Variants in PGAP1 observed in about 807,000 individuals in gnomAD.
PGAP1 encodes post-GPI attachment to proteins inositol deacylase 1, also known as GPI inositol-deacylase.
A neutral mutation model predicts 127.0 loss-of-function variants in PGAP1; 76 were observed. The observed-to-expected ratio is 0.60, with a 90% CI of 0.50 to 0.72. The LOEUF (loss-of-function observed/expected upper bound fraction) is 0.72, where lower values mean the gene tolerates loss of function less well. Ranked by LOEUF, PGAP1 falls within the 30% of genes least tolerant of loss-of-function variation. The probability of loss-of-function intolerance (pLI) is 0.00; values close to 1 mark genes in which losing one functional copy is unlikely to be tolerated. For missense variants in PGAP1, 982 were observed against 1,071.3 expected (o/e 0.92, Z 1.16); for synonymous variants, 362 against 366.5 (o/e 0.99, Z 0.14).
chr2:196,886,104 A>G (rs1701894485), intron 10 of PGAP1, among the ~76,000 whole-genome samples: 1 of 151,960 alleles, frequency 6.6e-6, no homozygotes, highest in South Asian at 2.1e-4. Flanking sequence ...TTGATAGGTA[A>G]GCAGTTATCC....
intron 20 of PGAP1, 109 bp downstream of exon 20, chr2:196,864,878 C>A (rs1179974393): frequency 6.2e-6 from 3 of 487,338 alleles, no homozygotes; most frequent in Non-Finnish European, 6.9e-6. Context: ...AATTATGTCT[C>A]CTGATTCAAT....
At position 196,847,962 on chromosome 2, in the gene PGAP1, A is replaced by G. The variant is rs774157794; in HGVS notation, c.1937T>C (p.Ile646Thr). Residue 646 changes from isoleucine (I) to threonine (T), a missense_variant, in exon 21 of 27, where the codon ATT becomes ACT. Physicochemically the swap from Ile to Thr is moderately conservative, Grantham distance 89 (BLOSUM62 -1). Transcript: ENST00000354764. ...PYKVDPFVIIIKFLLGYKWFK... is the reference protein window; with the variant it reads ...PYKVDPFVIITKFLLGYKWFK... The stretch of plus-strand genomic sequence containing the variant: ...TAAAACTTACCCCAACAGAAACTTA[A>G]TGATAATTACAAAAGGATCAACTTT... 6.3e-7 allele frequency: 1 copy of G among 1,588,238 alleles called. No homozygotes were observed. The highest frequency in any genetic ancestry group is 8.6e-7 in the Non-Finnish European group (1 of 1,169,440).
intron 7 of PGAP1, among the ~76,000 whole-genome samples, chr2:196,895,480 G>A (rs113593270): frequency 2.0e-5 from 3 of 152,302 alleles, no homozygotes; most frequent in African/African-American, 7.2e-5. Context: ...TTTTACCACA[G>A]TTAAGTCTCA....
intron 20 of PGAP1, among the ~76,000 whole-genome samples, chr2:196,864,343 T>C (rs1701164900): frequency 7.1e-6 from 1 of 141,674 alleles, no homozygotes; most frequent in South Asian, 2.2e-4. Flanking sequence ...TGAACCGAGA[T>C]TGCACCATTG....
Position 196,892,621 on chromosome 2 carries a change from TTAACTC to T in PGAP1, c.1034-226_1034-221del, listed in dbSNP as rs539842748. 3.4e-3 allele frequency among the ~76,000 whole-genome samples: 513 copies of T among 152,186 alleles called. 2 individuals carry two copies. The highest frequency in any genetic ancestry group is 5.8e-3 in the South Asian group (28 of 4,824). Reference sequence around the variant, plus strand: ...AAAGTATAAATCTGTTTGGTGTCCTTTAACTCTAAGGAATTATCAACATAGGAAATA... The same window carrying T: ...AAAGTATAAATCTGTTTGGTGTCCTTTAAGGAATTATCAACATAGGAAATA... On this transcript the variant is annotated intron_variant, in intron 8 of 26. Coordinates refer to ENST00000354764, the MANE Select transcript of PGAP1 (RefSeq NM_024989.4).
chr2:196,885,933 A>T (rs1350162533), intron 10 of PGAP1, 53 bp from the exon 11 acceptor site: 1 of 1,236,330 alleles, frequency 8.1e-7, no homozygotes, highest in Non-Finnish European at 1.1e-6. Flanking sequence ...GAAAATAATT[A>T]TACAAAACAA....
intron 23 of PGAP1, 34 bp downstream of exon 23, chr2:196,845,848 G>A (rs754546701): frequency 6.4e-7 from 1 of 1,563,092 alleles, no homozygotes; most frequent in South Asian, 1.2e-5. Flanking sequence ...CTAATACAAA[G>A]CTCAATCATT....
chr2:196,866,599 A>G (rs1576121690), intron 19 of PGAP1, among the ~76,000 whole-genome samples: 1 of 152,222 alleles, frequency 6.6e-6, no homozygotes, highest in Non-Finnish European at 1.5e-5. Context: ...AGCAGTGGCA[A>G]CAAAAGCCAA....
At chr2:196,892,544 T>C in intron 8 of PGAP1, 143 bp from the exon 9 acceptor site, 1 of 474,634 alleles carries the variant, frequency 2.1e-6, no homozygotes, top group Non-Finnish European at 3.7e-6. Flanking sequence ...AAACAGAAAA[T>C]CTAGTAATAT....
intron 12 of PGAP1, among the ~76,000 whole-genome samples, chr2:196,881,351 T>C (rs570287080): frequency 1.4e-4 from 21 of 152,304 alleles, no homozygotes; most frequent in African/African-American, 2.9e-4. Context: ...GTCTTTATAA[T>C]AGAATGCTTT....
At chr2:196,884,626 AACTT>A (rs1373308278) in intron 12 of PGAP1, among the ~76,000 whole-genome samples, 2 of 152,206 alleles carry the variant, frequency 1.3e-5, no homozygotes, top group Non-Finnish European at 2.9e-5. Flanking sequence ...AAAAATAACT[AACTT>A]AATTGGAGTT....
chr2:196,924,492 A>G (rs1703308406), intron 1 of PGAP1, among the ~76,000 whole-genome samples: 1 of 152,208 alleles, frequency 6.6e-6, no homozygotes, highest in African/African-American at 2.4e-5. Flanking sequence ...TTTTAATTGT[A>G]TTTGTAAGAT....
intron 4 of PGAP1, among the ~76,000 whole-genome samples, chr2:196,912,607 A>AG (rs1298240551): frequency 2.7e-5 from 4 of 147,690 alleles, no homozygotes; most frequent in Non-Finnish European, 6.0e-5. Flanking sequence ...AAAAAAAAAA[A>AG]CTAAACGGAA....
Position 196,920,155 on chromosome 2 carries a change from A to G in PGAP1, c.148-5T>C. 1 of 1,594,216 alleles carries G rather than the reference A, an allele frequency of 6.3e-7. No individual in the cohort carries two copies. Among genetic ancestry groups the G allele is most frequent in the Non-Finnish European group, 8.5e-7 (1 of 1,172,124 alleles). On this transcript the variant is annotated splice_polypyrimidine_tract_variant and splice_region_variant and intron_variant, in intron 1 of 26. Transcript: ENST00000354764. Reference sequence around the variant, plus strand: ...TTTCTTTGGAAGTTCTATTTTCTACATTTAAAAAAAAGTAGTTTCACTTTA... The same window carrying G: ...TTTCTTTGGAAGTTCTATTTTCTACGTTTAAAAAAAAGTAGTTTCACTTTA...
intron 21 of PGAP1, 109 bp from the exon 22 acceptor site, chr2:196,847,309 T>C (rs1306086664): frequency 2.6e-6 from 2 of 782,864 alleles, no homozygotes; most frequent in Non-Finnish European, 4.0e-6. Context: ...TCCATGATAC[T>C]TAATTTATAA....
intron 10 of PGAP1, among the ~76,000 whole-genome samples, chr2:196,888,051 C>T (rs928474641): frequency 2.0e-5 from 3 of 152,158 alleles, no homozygotes; most frequent in Non-Finnish European, 2.9e-5. Context: ...CTGACTCATT[C>T]ATCAATGGAT....
chr2:196,842,806 G>T lies in PGAP1; in HGVS notation c.2545C>A (p.Pro849Thr). 1 of 1,553,186 alleles carries T rather than the reference G, an allele frequency of 6.4e-7. No homozygotes were observed. Among genetic ancestry groups the T allele is most frequent in the African/African-American group, 1.4e-5 (1 of 72,578 alleles). The change falls in exon 26 of 27, where the codon CCT (proline) becomes ACT (threonine). Residue 849 changes from proline to threonine, a missense_variant. Coordinates refer to ENST00000354764, the MANE Select transcript of PGAP1 (RefSeq NM_024989.4). ...KNLRYYFKLN[P>T]DPCKPLAFIL... is the part of the protein sequence containing the mutation. Reference sequence around the variant, plus strand: ...AATGCCAAAGGTTTACATGGATCAGGATTAAGTTTAAAATAATACCTATAA... The same window carrying T: ...AATGCCAAAGGTTTACATGGATCAGTATTAAGTTTAAAATAATACCTATAA...
Position 196,875,769 on chromosome 2 carries a change from G to A in PGAP1, c.1403C>T (p.Pro468Leu). Residue 468 changes from proline to leucine, a missense_variant, in exon 14 of 27, where the codon CCT becomes CTT. Physicochemically the swap from Pro to Leu is moderately conservative, Grantham distance 98. Coordinates refer to ENST00000354764, the MANE Select transcript of PGAP1 (RefSeq NM_024989.4). Reference protein sequence around the residue: ...FKKEKRYIQLPVTHLFSFGLS... With the variant: ...FKKEKRYIQLLVTHLFSFGLS... ...ACCAAAGGAAAAAAGATGAGTTACA[G>A]GAAGCTGTATGTATCTTTTCTCTTT... The A allele has an allele frequency of 6.5e-7, 1 of 1,542,012 alleles. No homozygotes were observed. Among genetic ancestry groups the A allele is most frequent in the Non-Finnish European group, 8.9e-7 (1 of 1,118,810 alleles).
rs768659717 is a variant in PGAP1 at position 196,875,790 on chromosome 2, T to C, written c.1382A>G (p.Glu461Gly). ...TACAGGAAGCTGTATGTATCTTTTC[T>C]CTTTTTTAAAGAATTCACAATCTAC... ...FVVDCEFFKK[E>G]KRYIQLPVTH... The change falls in exon 14 of 27, where the codon GAG becomes GGG. Residue 461 changes from glutamate to glycine, a missense_variant. Coordinates refer to ENST00000354764, the MANE Select transcript of PGAP1 (RefSeq NM_024989.4). The C allele has an allele frequency of 8.5e-5, 130 of 1,536,864 alleles. No homozygotes were observed. Among genetic ancestry groups the C allele is most frequent in the Non-Finnish European group, 1.1e-4 (126 of 1,114,702 alleles).
Sources: allele counts gnomAD v4.1 joint callset (sites outside exome capture counted in the v4.1 genomes callset), GRCh38; gene constraint gnomAD v4.1.1; transcripts MANE v1.5; gene names NCBI Gene and HGNC (gene_info 2026-07-23, HGNC 2026-07-21).